The following CHODL variants were observed in gnomAD, a reference collection of about 807,000 sequenced individuals.
CHODL encodes chondrolectin.
In CHODL, 29 loss-of-function variants were observed where a neutral mutation model predicts 34.5. That is an observed-to-expected ratio of 0.84 (90% CI 0.63 to 1.15). CHODL has a LOEUF of 1.15. CHODL is among the 50% of genes most tolerant of loss of function. The probability of loss-of-function intolerance (pLI) is 0.00; values close to 1 mark genes in which losing one functional copy is unlikely to be tolerated. For synonymous variants in CHODL, 125 were observed against 116.1 expected (o/e 1.08, Z -0.49); for missense variants, 332 against 332.5 (o/e 1.00, Z 0.01).
At chr21:18,174,127 A>ATATATATATATATCTTGG (rs2073267641) in intron 2 of CHODL, among the ~76,000 whole-genome samples, 4 of 9,966 alleles carry the variant, frequency 4.0e-4, no homozygotes, top group Admixed American at 1.1e-3. Flanking sequence ...CTTGGTGTAT[A>ATATATATATATATCTTGG]TATATATATA....
intron 2 of CHODL, among the ~76,000 whole-genome samples, chr21:18,162,386 T>G (rs947809328): frequency 6.6e-6 from 1 of 151,968 alleles, no homozygotes; most frequent in South Asian, 2.1e-4. Context: ...CAGCCTGATC[T>G]GTGCCTTCAT....
intron 2 of CHODL, among the ~76,000 whole-genome samples, chr21:18,093,057 C>G (rs1476629352): frequency 6.6e-6 from 1 of 152,062 alleles, no homozygotes; most frequent in Non-Finnish European, 1.5e-5. Context: ...CCCCAAAGGT[C>G]AAGTATCAAA....
intron 1 of CHODL, among the ~76,000 whole-genome samples, chr21:18,249,636 A>C (rs2074211111): frequency 6.6e-6 from 1 of 152,138 alleles, no homozygotes; most frequent in East Asian, 1.9e-4. Flanking sequence ...TTGTTCATGA[A>C]ATATTTCACC....
At chr21:18,244,687 GT>G, upstream of CHODL, 1 of 152,992 alleles carries the variant, frequency 6.5e-6, no homozygotes, top group Non-Finnish European at 1.5e-5. Context: ...TGACTGGACT[GT>G]TTTCAAAGGG....
chr21:18,083,693 G>T (rs2064969408), intron 2 of CHODL, among the ~76,000 whole-genome samples: 1 of 152,230 alleles, frequency 6.6e-6, no homozygotes, highest in South Asian at 2.1e-4. Flanking sequence ...TTTAATGACT[G>T]CCCTGCTGGG....
intron 1 of CHODL, among the ~76,000 whole-genome samples, chr21:17,981,613 A>G (rs1428941518): frequency 6.6e-6 from 1 of 152,220 alleles, no homozygotes; most frequent in Non-Finnish European, 1.5e-5. Flanking sequence ...AATACGTCAA[A>G]CATTTACAAA....
intron 2 of CHODL, among the ~76,000 whole-genome samples, chr21:18,053,937 TTA>T (rs71998171): frequency 0.33 from 50,650 of 151,436 alleles, 10,281 homozygotes; most frequent in Non-Finnish European, 0.47. Context: ...TGTGTATAAT[TTA>T]TATATATCAC....
intron 1 of CHODL, among the ~76,000 whole-genome samples, chr21:17,926,085 G>C (rs2063220012): frequency 6.6e-6 from 1 of 152,128 alleles, no homozygotes; most frequent in African/African-American, 2.4e-5. Context: ...CTTTCCTCAA[G>C]AGGGCAGCAA....
At chr21:18,146,193 G>C (rs2072886211) in intron 2 of CHODL, among the ~76,000 whole-genome samples, 1 of 150,462 alleles carries the variant, frequency 6.6e-6, no homozygotes, top group South Asian at 2.1e-4. Context: ...TAGCCAGGAT[G>C]GTCTCAATCT....
chr21:18,138,704 A>C (rs1157178399), intron 2 of CHODL, among the ~76,000 whole-genome samples: 1 of 152,192 alleles, frequency 6.6e-6, no homozygotes, highest in Non-Finnish European at 1.5e-5. Context: ...AACTGCAGCC[A>C]GCGACTTATT....
At position 18,166,333 on chromosome 21, in the gene CHODL, T is replaced by A. The variant is rs79861585; in HGVS notation, c.-44-90176T>A. 5.2e-3 allele frequency among the ~76,000 whole-genome samples: 790 copies of A among 152,324 alleles called. 17 individuals are homozygous for A. Among genetic ancestry groups the A allele is most frequent in the East Asian group, 0.048 (247 of 5,178 alleles). ...GATTAGGACAGCCTCATTTGGAGGA[T>A]CTTCCTTTTGATTAACTTAAAATCA... On this transcript the variant is annotated intron_variant, in intron 2 of 6. Transcript: ENST00000400127.
chr21:17,987,776 T>C (rs970831958), intron 1 of CHODL, among the ~76,000 whole-genome samples: 2 of 152,180 alleles, frequency 1.3e-5, no homozygotes, highest in African/African-American at 4.8e-5. Context: ...CTATAGAATA[T>C]AACATCATTA....
intron 2 of CHODL, among the ~76,000 whole-genome samples, chr21:18,049,818 C>T (rs559360859): frequency 6.6e-6 from 1 of 152,036 alleles, no homozygotes; most frequent in African/African-American, 2.4e-5. Flanking sequence ...AATACGGCTG[C>T]ATTATGGGGT....
intron 2 of CHODL, among the ~76,000 whole-genome samples, chr21:18,094,561 T>C (rs922390921): frequency 6.6e-6 from 1 of 151,930 alleles, no homozygotes; most frequent in Non-Finnish European, 1.5e-5. Flanking sequence ...ATTTTGGAAA[T>C]GATGAAAACA....
intron 1 of CHODL, among the ~76,000 whole-genome samples, chr21:18,010,491 T>TTA (rs2064009207): frequency 6.6e-6 from 1 of 152,156 alleles, no homozygotes; most frequent in African/African-American, 2.4e-5. Flanking sequence ...TGTCCCATGT[T>TTA]TAAACACTTC....
At chr21:18,009,823 G>A (rs1333273594) in intron 1 of CHODL, among the ~76,000 whole-genome samples, 2 of 148,674 alleles carry the variant, frequency 1.3e-5, no homozygotes, top group South Asian at 2.1e-4. Flanking sequence ...GGGAAGCGGA[G>A]CTTGCAGTGA....
intron 2 of CHODL, among the ~76,000 whole-genome samples, chr21:18,057,815 A>T (rs1211400550): frequency 6.6e-6 from 1 of 152,018 alleles, no homozygotes; most frequent in Non-Finnish European, 1.5e-5. Context: ...CACTAGTTTT[A>T]ATTTTTTTCT....
intron 2 of CHODL, among the ~76,000 whole-genome samples, chr21:18,184,666 C>T (rs903261363): frequency 6.6e-6 from 1 of 152,156 alleles, no homozygotes; most frequent in Non-Finnish European, 1.5e-5. Flanking sequence ...GAGGGAGAAA[C>T]TTCTGTAAAG....
chr21:18,040,617 G>A (rs1600927017), intron 2 of CHODL, among the ~76,000 whole-genome samples: 1 of 151,848 alleles, frequency 6.6e-6, no homozygotes, highest in African/African-American at 2.4e-5. Context: ...GCTTCTTAAT[G>A]GTTTACAGGT....
Sources: gnomAD v4.1 joint callset for allele counts (sites outside exome capture counted in the v4.1 genomes callset) on GRCh38, gnomAD v4.1.1 for gene constraint, MANE v1.5 for transcripts, NCBI Gene and HGNC (gene_info 2026-07-23, HGNC 2026-07-21) for gene names.